SLC12A1: variants seen among roughly 807,000 people sequenced by gnomAD.
SLC12A1 encodes the protein Na-K-2Cl cotransporter.
In SLC12A1, 89 loss-of-function variants were observed where a neutral mutation model predicts 130.4. That is an observed-to-expected ratio of 0.68 (90% CI 0.58 to 0.81). The LOEUF is 0.81. Ranked by LOEUF, SLC12A1 falls within the 40% of genes least tolerant of loss-of-function variation. The probability of loss-of-function intolerance (pLI) is 0.00; values close to 1 mark genes in which losing one functional copy is unlikely to be tolerated. For synonymous variants in SLC12A1, 499 were observed against 460.0 expected, an observed-to-expected ratio of 1.08 and a Z score of -1.09; for missense variants, 1,310 against 1,336.4, an observed-to-expected ratio of 0.98 and a Z score of 0.31.
chr15:48,275,221 C>T (rs1354829831), intron 20 of SLC12A1, among the ~76,000 whole-genome samples: 1 of 152,120 alleles, frequency 6.6e-6, no homozygotes, highest in Non-Finnish European at 1.5e-5. Flanking sequence ...AAATAAAGAA[C>T]ATATTGATAT....
chr15:48,220,576 T>G lies in SLC12A1; in HGVS notation c.421-58T>G, dbSNP rs1236506254. On this transcript the variant is annotated intron_variant, in intron 2 of 26. Coordinates refer to ENST00000380993, the MANE Select transcript of SLC12A1 (RefSeq NM_000338.3). ...TTGTTTTGATTTGCTTTGAAAAGTT[T>G]CATGGAACCCTTTGTTCATTGACCA... 5.3e-6 allele frequency: 8 copies of G among 1,508,308 alleles called. No homozygotes were observed. The African/African-American group carries it at 1.1e-4, about 21-fold the overall frequency. The allele number at this position is 1,508,308 out of a possible 1,614,324, so 93.4% of individuals were successfully genotyped here. A position where few individuals can be genotyped will look rare whatever the true frequency, so the allele number is the denominator to read the frequency against.
At position 48,255,995 on chromosome 15, in the gene SLC12A1, T is replaced by C. The variant is rs1309537931; in HGVS notation, c.2042+85T>C. The C allele has an allele frequency of 7.3e-6, 6 of 826,876 alleles. No homozygotes were observed. In the East Asian group the frequency reaches 1.1e-4, roughly 15 times the overall value. The allele number at this position is 826,876 out of a possible 1,614,324, so 51.2% of individuals were successfully genotyped here. ...TAAGAGACAAGGGCATTCAAGTAGT[T>C]ATAAGCTTTAGGGGTACATTCTAAA... On this transcript the variant is annotated intron_variant, in intron 16 of 26. Coordinates refer to ENST00000380993, the MANE Select transcript of SLC12A1 (RefSeq NM_000338.3).
At chr15:48,286,975 T>A (rs571781920) in intron 21 of SLC12A1, among the ~76,000 whole-genome samples, 4 of 152,274 alleles carry the variant, frequency 2.6e-5, no homozygotes, top group African/African-American at 9.6e-5. Context: ...CAATATCAGA[T>A]CATTGCTTCA....
chr15:48,268,242 A>T (rs1211052300), intron 18 of SLC12A1, among the ~76,000 whole-genome samples: 6 of 152,150 alleles, frequency 3.9e-5, no homozygotes, highest in Non-Finnish European at 5.9e-5. Flanking sequence ...TAGTTCTCAC[A>T]TCTTTTTTCC....
rs750985483 is a variant in SLC12A1, at chr15:48,237,060, T to C, written c.1215+2056T>C. The stretch of plus-strand genomic sequence containing the variant: ...CGAAGGAGGAGACAGACTTCCCTTA[T>C]ATGAATTAGAACAAGCAAGAGTAGA... On this transcript the variant is annotated intron_variant, in intron 9 of 26. Coordinates refer to ENST00000380993, the MANE Select transcript of SLC12A1 (RefSeq NM_000338.3). The C allele has an allele frequency of 2.0e-5, 14 of 701,902 alleles. No homozygotes were observed. The East Asian group carries it at 2.7e-4, about 13-fold the overall frequency. 43.5% of individuals were successfully genotyped at this position (701,902 alleles called of 1,614,324 possible).
At chr15:48,247,042 T>C in intron 12 of SLC12A1, 26 bp downstream of exon 12, 1 of 1,503,646 alleles carries the variant, frequency 6.7e-7, no homozygotes, top group Non-Finnish European at 9.3e-7. Flanking sequence ...CAGCTTGTGC[T>C]TCTCCCTATT....
chr15:48,246,519 G>A (rs571519585), intron 11 of SLC12A1, among the ~76,000 whole-genome samples: 3 of 152,252 alleles, frequency 2.0e-5, no homozygotes, highest in South Asian at 2.1e-4. Flanking sequence ...GGTGGCTCAC[G>A]ACTATAATCC....
rs765448519 is a variant in SLC12A1, at chr15:48,241,539, G to T, written c.1240G>T (p.Gly414Ter). 1 of 1,613,708 alleles carries T rather than the reference G, an allele frequency of 6.2e-7. No individual in the cohort carries two copies. Among genetic ancestry groups the T allele is most frequent in the Non-Finnish European group, 8.5e-7 (1 of 1,179,732 alleles). Residue 414 changes from glycine (G) to a stop codon, truncating the protein, a stop_gained, in exon 10 of 27, where the codon GGA becomes TGA. Coordinates refer to ENST00000380993, the MANE Select transcript of SLC12A1 (RefSeq NM_000338.3). LOFTEE classifies it high-confidence loss of function. ...GGATCCCCAAGATGCCATCCCCAGAGGAACCATGCTGGCCATTTTCATCAC... is the reference window on the plus strand; with the variant it reads ...GGATCCCCAAGATGCCATCCCCAGATGAACCATGCTGGCCATTTTCATCAC... ...LEDPQDAIPR[G>*]TMLAIFITTV...
rs1263945901 is a variant in SLC12A1, at chr15:48,207,914, G to A, written c.195G>A (p.Gly65=). 2 of 1,613,890 alleles carry A rather than the reference G, an allele frequency of 1.2e-6. No homozygotes were observed. Among genetic ancestry groups the A allele is most frequent in the South Asian group, 1.1e-5 (1 of 91,092 alleles). Residue 65 remains glycine, a synonymous_variant, in exon 2 of 27, where the codon GGG becomes GGA. Transcript: ENST00000380993. Reference sequence around the variant, plus strand: ...GACTCAGAATCAGCTTTAGGCCTGGGAATCAGGAGTGCTATGACAATTTCC... The same window carrying A: ...GACTCAGAATCAGCTTTAGGCCTGGAAATCAGGAGTGCTATGACAATTTCC... ...QKRLRISFRP[G]NQECYDNFLQ...
rs756124548 is a variant in SLC12A1, at chr15:48,259,186, T to G, written c.2043-14T>G. On this transcript the variant is annotated splice_polypyrimidine_tract_variant and intron_variant, in intron 16 of 26. Coordinates refer to ENST00000380993, the MANE Select transcript of SLC12A1 (RefSeq NM_000338.3). The stretch of plus-strand genomic sequence containing the variant: ...TTGCAGGGGCTCATTTTCACATCTT[T>G]TTTTTACTTCCAGGCCCCAGTGCAT... 3.2e-6 allele frequency: 5 copies of G among 1,559,946 alleles called. No homozygotes were observed. Among genetic ancestry groups the G allele is most frequent in the Non-Finnish European group, 4.4e-6 (5 of 1,131,062 alleles).
chr15:48,276,870 G>A (rs1479993413), intron 20 of SLC12A1, among the ~76,000 whole-genome samples: 1 of 152,182 alleles, frequency 6.6e-6, no homozygotes, highest in East Asian at 1.9e-4. Context: ...TAAACCATGG[G>A]AGTACAGTGC....
chr15:48,302,340 G>A (rs1453652045), intron 26 of SLC12A1, among the ~76,000 whole-genome samples: 1 of 152,096 alleles, frequency 6.6e-6, no homozygotes, highest in Non-Finnish European at 1.5e-5. Flanking sequence ...AAGGCTGCCG[G>A]CCGGGCGCGG....
chr15:48,223,222 G>A (rs1334106230), intron 4 of SLC12A1: 1 of 152,164 alleles, frequency 6.6e-6, no homozygotes, highest in Non-Finnish European at 1.5e-5. Flanking sequence ...TAGCTTAGTT[G>A]TCTTACTGAG....
At chr15:48,251,828 T>G (rs867336982) in intron 15 of SLC12A1, 58 bp downstream of exon 15, 12 of 1,503,694 alleles carry the variant, frequency 8.0e-6, no homozygotes, top group Middle Eastern at 1.8e-4. Flanking sequence ...TACTCATTTA[T>G]TAAGCATTTA....
At chr15:48,277,379 G>C (rs2041964766) in intron 20 of SLC12A1, among the ~76,000 whole-genome samples, 1 of 151,862 alleles carries the variant, frequency 6.6e-6, no homozygotes, top group Non-Finnish European at 1.5e-5. Flanking sequence ...GGTGAGGATT[G>C]ATGATGGGAT....
In SLC12A1 at chr15:48,232,830, A is replaced by C; in HGVS notation, c.1079A>C (p.Asn360Thr). ...GAGAAAAAGTCCAGAGGTTTCTTTA[A>C]TTACCAAGGTACATGGAATAAATTG... ...NNEKKSRGFF[N>T]YQASIFAENF... The change falls in exon 8 of 27, where the codon AAT becomes ACT. Residue 360 changes from asparagine to threonine, a missense_variant. Physicochemically the swap from Asn to Thr is moderately conservative, Grantham distance 65 (BLOSUM62 0). Transcript: ENST00000380993. The C allele has an allele frequency of 6.3e-7, 1 of 1,590,028 alleles. No individual in the cohort carries two copies. Among genetic ancestry groups the C allele is most frequent in the African/African-American group, 1.3e-5 (1 of 74,444 alleles).
chr15:48,288,452 A>G lies in SLC12A1; in HGVS notation c.2809A>G (p.Lys937Glu). 1 of 1,554,520 alleles carries G rather than the reference A, an allele frequency of 6.4e-7. No homozygotes were observed. Among genetic ancestry groups the G allele is most frequent in the South Asian group, 1.2e-5 (1 of 84,372 alleles). ...TATCTTAACTCTCAGAAAAAAATGG[A>G]AAGACTGTAAATTAAGAATCTATGT... is the stretch of plus-strand genomic sequence containing the variant. ...PYILTLRKKW[K>E]DCKLRIYVGG... The change falls in exon 23 of 27, where the codon AAA (lysine) becomes GAA (glutamate). Residue 937 changes from lysine to glutamate, a missense_variant. Transcript: ENST00000380993.
chr15:48,300,337 A>AAG (rs201418943), intron 25 of SLC12A1, among the ~76,000 whole-genome samples: 3 of 152,016 alleles, frequency 2.0e-5, no homozygotes, highest in South Asian at 2.1e-4. Context: ...AAAAAAAAAA[A>AAG]AGAGAGAGAG....
chr15:48,301,404 G>A (rs968648753), intron 26 of SLC12A1, 22 bp downstream of exon 26: 1 of 1,506,698 alleles, frequency 6.6e-7, no homozygotes, highest in Non-Finnish European at 9.1e-7. Context: ...TGCAAGCATT[G>A]AAGAACATTA....
Sources: allele counts gnomAD v4.1 joint callset (sites outside exome capture counted in the v4.1 genomes callset), GRCh38; gene constraint gnomAD v4.1.1; transcripts MANE v1.5; gene names NCBI Gene and HGNC (gene_info 2026-07-23, HGNC 2026-07-21).